The following MAN1A2 variants were observed in gnomAD, a reference collection of about 807,000 sequenced individuals.
The protein encoded by MAN1A2 is mannosyl-oligosaccharide 1,2-alpha-mannosidase IB.
MAN1A2 carries 26 observed loss-of-function variants against 75.7 expected under a neutral mutation model. The ratio of observed to expected loss-of-function variants is 0.34; its 90% CI spans 0.25 to 0.48. MAN1A2 has a LOEUF of 0.48. Among genes scored for constraint, MAN1A2 ranks in the 20% least tolerant of loss-of-function variants. The pLI, the probability that MAN1A2 is intolerant of heterozygous loss-of-function variation, is 0.99. For synonymous variants in MAN1A2, 247 were observed against 264.6 expected, an observed-to-expected ratio of 0.93 and a Z score of 0.65; for missense variants, 562 against 775.5, an observed-to-expected ratio of 0.72 and a Z score of 3.27.
intron 6 of MAN1A2, among the ~76,000 whole-genome samples, chr1:117,455,237 AAG>A (rs1649542006): frequency 6.6e-6 from 1 of 152,186 alleles, no homozygotes; most frequent in Non-Finnish European, 1.5e-5. Flanking sequence ...TGTTGAGTGA[AAG>A]AGCCAAACAC....
intron 12 of MAN1A2, among the ~76,000 whole-genome samples, chr1:117,520,159 A>T (rs1157618882): frequency 6.6e-6 from 1 of 152,054 alleles, no homozygotes; most frequent in Non-Finnish European, 1.5e-5. Flanking sequence ...AAATCGGCAT[A>T]CAAGGGACAT....
rs867669376 is a variant in MAN1A2, at chr1:117,499,567, A to G, written c.1677+13A>G. The G allele has an allele frequency of 7.6e-6, 12 of 1,584,464 alleles. No homozygotes were observed. Among genetic ancestry groups the G allele is most frequent in the South Asian group, 6.9e-5 (6 of 86,656 alleles). On this transcript the variant is annotated intron_variant, in intron 11 of 12. Coordinates refer to ENST00000356554, the MANE Select transcript of MAN1A2 (RefSeq NM_006699.5). ...GGAAGCAGCACTGGTAAATAAGCCAATATTCCATTTTATCTGCAAGAGTGT... is the reference window on the plus strand; with the variant it reads ...GGAAGCAGCACTGGTAAATAAGCCAGTATTCCATTTTATCTGCAAGAGTGT...
chr1:117,367,554 G>GACTC lies in MAN1A2; in HGVS notation c.-628_-625dup, dbSNP rs1456596281. 3 of 152,514 alleles carry GACTC rather than the reference G, an allele frequency of 2.0e-5. No homozygotes were observed. The highest frequency in any genetic ancestry group is 2.1e-4 in the South Asian group (1 of 4,840). 9.4% of individuals were successfully genotyped at this position (152,514 alleles called of 1,614,324 possible). A position where few individuals can be genotyped will look rare whatever the true frequency, so the allele number is the denominator to read the frequency against. Reference sequence around the variant, plus strand: ...CCAGCCGTCGAGTGGGCAGCAGCGGGACTCAGCCGGGCGCCAGGTTCCTGC... The same window carrying GACTC: ...CCAGCCGTCGAGTGGGCAGCAGCGGGACTCACTCAGCCGGGCGCCAGGTTCCTGC... On this transcript the variant is annotated 5_prime_UTR_variant, in exon 1 of 13. Transcript: ENST00000356554.
At chr1:117,410,765 G>A (rs1026768498) in intron 3 of MAN1A2, among the ~76,000 whole-genome samples, 2 of 151,338 alleles carry the variant, frequency 1.3e-5, no homozygotes, top group Non-Finnish European at 3.0e-5. Flanking sequence ...AATGTTATAG[G>A]ATACAAGTTT....
chr1:117,429,976 C>G (rs563763393), intron 5 of MAN1A2, among the ~76,000 whole-genome samples: 1 of 62,304 alleles, frequency 1.6e-5, no homozygotes, highest in African/African-American at 6.7e-5. Flanking sequence ...GCTGGCCGGG[C>G]GGAGGGCTGA....
chr1:117,424,469 T>C (rs1243614468), intron 5 of MAN1A2, among the ~76,000 whole-genome samples: 1 of 152,178 alleles, frequency 6.6e-6, no homozygotes, highest in Non-Finnish European at 1.5e-5. Context: ...ACCCATAAGA[T>C]TTTTGCCTGG....
intron 6 of MAN1A2, among the ~76,000 whole-genome samples, chr1:117,456,218 T>A (rs1009575429): frequency 1.3e-5 from 2 of 152,218 alleles, no homozygotes; most frequent in Middle Eastern, 3.4e-3. Context: ...TAAGGTCATT[T>A]GTTAAGCAAA....
At chr1:117,378,990 T>G (rs993564381) in intron 1 of MAN1A2, among the ~76,000 whole-genome samples, 10 of 152,254 alleles carry the variant, frequency 6.6e-5, no homozygotes, top group African/African-American at 2.4e-4. Flanking sequence ...TAATTTTGAT[T>G]ATGATGTTTT....
Position 117,523,293 on chromosome 1 carries a change from AAT to A in MAN1A2, c.*340_*341del. The A allele has an allele frequency of 2.0e-6, 1 of 496,696 alleles. No individual in the cohort carries two copies. The highest frequency in any genetic ancestry group is 2.0e-5 in the African/African-American group (1 of 51,170). 30.8% of individuals were successfully genotyped at this position (496,696 alleles called of 1,614,324 possible). A position where few individuals can be genotyped will look rare whatever the true frequency, so the allele number is the denominator to read the frequency against. Reference sequence around the variant, plus strand: ...CTAGACTTCCTGAAAGCAAGTCAAGAATATAGAGCACCTTGCAGGAGTTCAAG... The same window carrying A: ...CTAGACTTCCTGAAAGCAAGTCAAGAATAGAGCACCTTGCAGGAGTTCAAG... On this transcript the variant is annotated 3_prime_UTR_variant, in exon 13 of 13. Transcript: ENST00000356554.
chr1:117,412,445 T>C (rs1480198209), intron 3 of MAN1A2, among the ~76,000 whole-genome samples: 1 of 151,760 alleles, frequency 6.6e-6, no homozygotes, highest in Non-Finnish European at 1.5e-5. Context: ...ATTTCTTGAA[T>C]TTATTATTTC....
intron 9 of MAN1A2, chr1:117,494,629 G>A (rs906992411): frequency 3.3e-5 from 5 of 151,934 alleles, no homozygotes; most frequent in Non-Finnish European, 7.4e-5. Flanking sequence ...CTCAACAAGT[G>A]TTTATTGAGA....
intron 6 of MAN1A2, among the ~76,000 whole-genome samples, chr1:117,454,433 C>T (rs1009237521): frequency 1.4e-4 from 21 of 152,230 alleles, no homozygotes; most frequent in Middle Eastern, 3.4e-3. Context: ...TCCTTCTTAT[C>T]ATAAGCAATA....
chr1:117,469,997 TCAAA>T (rs1650097684), intron 8 of MAN1A2, among the ~76,000 whole-genome samples: 1 of 152,040 alleles, frequency 6.6e-6, no homozygotes, highest in African/African-American at 2.4e-5. Flanking sequence ...AAACAGAGAC[TCAAA>T]CAGATACTTG....
intron 1 of MAN1A2, among the ~76,000 whole-genome samples, chr1:117,385,468 A>G (rs1469797676): frequency 6.6e-6 from 1 of 152,108 alleles, no homozygotes; most frequent in Non-Finnish European, 1.5e-5. Flanking sequence ...CCCTATTCTC[A>G]TCTACACCAT....
chr1:117,489,627 C>T (rs1057121756), intron 8 of MAN1A2, among the ~76,000 whole-genome samples: 2 of 151,892 alleles, frequency 1.3e-5, no homozygotes, highest in African/African-American at 2.4e-5. Context: ...TTAGCTTTAA[C>T]GTACGAAGCT....
intron 8 of MAN1A2, among the ~76,000 whole-genome samples, chr1:117,474,615 A>G (rs562823486): frequency 1.3e-5 from 2 of 151,492 alleles, no homozygotes; most frequent in East Asian, 1.9e-4. Context: ...AAACAACTAA[A>G]TTGGTGGAGG....
intron 8 of MAN1A2, among the ~76,000 whole-genome samples, chr1:117,471,730 A>T (rs549503633): frequency 3.4e-4 from 51 of 151,902 alleles, no homozygotes; most frequent in Non-Finnish European, 6.6e-4. Context: ...TTCAATAATA[A>T]GGTTAATTTT....
At chr1:117,445,932 A>C (rs1649221711) in intron 6 of MAN1A2, among the ~76,000 whole-genome samples, 1 of 146,688 alleles carries the variant, frequency 6.8e-6, no homozygotes, top group African/African-American at 2.5e-5. Flanking sequence ...ATACATATAA[A>C]AGAAAATTTA....
At chr1:117,473,966 T>C (rs541823897) in intron 8 of MAN1A2, among the ~76,000 whole-genome samples, 22 of 152,076 alleles carry the variant, frequency 1.4e-4, no homozygotes, top group South Asian at 8.3e-4. Flanking sequence ...ATGAAGGAGT[T>C]ATAAAAAAGT....
Sources: gnomAD v4.1 joint callset for allele counts (sites outside exome capture counted in the v4.1 genomes callset) on GRCh38, gnomAD v4.1.1 for gene constraint, MANE v1.5 for transcripts, NCBI Gene and HGNC (gene_info 2026-07-23, HGNC 2026-07-21) for gene names.